The following CCDC146 variants were observed in gnomAD, a reference collection of about 807,000 sequenced individuals.
The protein encoded by CCDC146 is coiled-coil domain-containing protein 146.
Under a neutral mutation model 119.3 loss-of-function variants are expected in CCDC146, and 92 were observed. The observed-to-expected ratio is 0.77, with a 90% CI of 0.65 to 0.92. The LOEUF (loss-of-function observed/expected upper bound fraction) is 0.92. Among genes scored for constraint, CCDC146 ranks in the 40% least tolerant of loss-of-function variants. The pLI, the probability that CCDC146 is intolerant of heterozygous loss-of-function variation, is 0.00. For missense variants in CCDC146, 1,000 were observed against 1,103.0 expected, an observed-to-expected ratio of 0.91 and a Z score of 1.32; for synonymous variants, 372 against 371.8, an observed-to-expected ratio of 1.00 and a Z score of -0.01.
intron 4 of CCDC146, among the ~76,000 whole-genome samples, chr7:77,248,456 A>T (rs187603336): frequency 6.6e-6 from 1 of 152,318 alleles, no homozygotes; most frequent in South Asian, 2.1e-4. Flanking sequence ...ATGTGCTTTT[A>T]GCTCATGTTC....
chr7:77,178,698 A>G (rs980173684), intron 2 of CCDC146, among the ~76,000 whole-genome samples: 2 of 152,250 alleles, frequency 1.3e-5, no homozygotes, highest in African/African-American at 4.8e-5. Flanking sequence ...ATAATGATCT[A>G]AACTTTGATA....
intron 14 of CCDC146, chr7:77,282,342 G>A: frequency 2.1e-6 from 1 of 470,406 alleles, no homozygotes; most frequent in Non-Finnish European, 3.8e-6. Context: ...CACATGGTCA[G>A]CCTCAAAGTT....
intron 17 of CCDC146, among the ~76,000 whole-genome samples, chr7:77,289,143 C>T (rs572446872): frequency 6.6e-6 from 1 of 152,328 alleles, no homozygotes; most frequent in East Asian, 1.9e-4. Flanking sequence ...ATGCACTTTG[C>T]CTGAATTAGC....
chr7:77,287,404 T>G, intron 16 of CCDC146, 36 bp from the exon 17 acceptor site: 2 of 1,610,402 alleles, frequency 1.2e-6, no homozygotes, highest in Non-Finnish European at 1.7e-6. Flanking sequence ...TAGATGACTT[T>G]TTTTTTATTC....
intron 4 of CCDC146, among the ~76,000 whole-genome samples, chr7:77,247,957 T>G (rs1792985716): frequency 6.6e-6 from 1 of 151,996 alleles, no homozygotes; most frequent in Non-Finnish European, 1.5e-5. Context: ...GAAAAAGAAA[T>G]CATATCCAAA....
intron 1 of CCDC146, among the ~76,000 whole-genome samples, chr7:77,145,327 G>T (rs1477721877): frequency 6.6e-6 from 1 of 151,366 alleles, no homozygotes; most frequent in East Asian, 1.9e-4. Flanking sequence ...TATTAGTCTT[G>T]CTAGTGGTCT....
At chr7:77,268,889 AT>A (rs542039168) in intron 9 of CCDC146, among the ~76,000 whole-genome samples, 6 of 151,306 alleles carry the variant, frequency 4.0e-5, no homozygotes, top group Admixed American at 1.3e-4. Context: ...ATTTGAAGCC[AT>A]TTTTTTTTCC....
chr7:77,154,536 A>G (rs1244635741), intron 1 of CCDC146, among the ~76,000 whole-genome samples: 1 of 140,668 alleles, frequency 7.1e-6, no homozygotes, highest in Non-Finnish European at 1.5e-5. Context: ...ATTCCCACCT[A>G]TGAGTGAGAA....
chr7:77,195,982 G>A (rs767093643), intron 2 of CCDC146: 14 of 303,092 alleles, frequency 4.6e-5, no homozygotes, highest in Non-Finnish European at 7.9e-5. Flanking sequence ...AATACAGCAA[G>A]TAATACAAGC....
intron 2 of CCDC146, chr7:77,197,014 G>T: frequency 7.3e-7 from 1 of 1,363,468 alleles, no homozygotes. Context: ...GAAGGCATTG[G>T]ATCTTGTTAA....
chr7:77,126,501 G>T (rs1403846395), intron 1 of CCDC146, among the ~76,000 whole-genome samples: 1 of 151,984 alleles, frequency 6.6e-6, no homozygotes, highest in Non-Finnish European at 1.5e-5. Context: ...CCTCTCTGTA[G>T]GAAGATCATC....
intron 2 of CCDC146, among the ~76,000 whole-genome samples, chr7:77,192,939 AAAT>A (rs1003076216): frequency 4.2e-4 from 64 of 152,070 alleles, no homozygotes; most frequent in Admixed American, 8.5e-4. Context: ...AAATAAAATA[AAAT>A]AATAAAAAAA....
intron 4 of CCDC146, among the ~76,000 whole-genome samples, chr7:77,249,659 C>G (rs1179980672): frequency 6.6e-6 from 1 of 151,990 alleles, no homozygotes; most frequent in African/African-American, 2.4e-5. Context: ...GCATATCTTT[C>G]TCTATCCATT....
At chr7:77,245,870 TAAA>T (rs35387327) in intron 4 of CCDC146, among the ~76,000 whole-genome samples, 1 of 147,512 alleles carries the variant, frequency 6.8e-6, no homozygotes, top group Non-Finnish European at 1.5e-5. Flanking sequence ...TACCTTAACT[TAAA>T]AAAAAAAAAA....
intron 17 of CCDC146, 140 bp downstream of exon 17, chr7:77,287,717 T>C (rs1793874382): frequency 1.2e-6 from 1 of 866,972 alleles, no homozygotes; most frequent in East Asian, 2.7e-5. Flanking sequence ...AACGAAAGGA[T>C]GACTCAGAGA....
At chr7:77,176,508 T>G (rs928628477) in intron 2 of CCDC146, among the ~76,000 whole-genome samples, 14 of 151,506 alleles carry the variant, frequency 9.2e-5, no homozygotes, top group African/African-American at 3.4e-4. Context: ...TACATGAGAG[T>G]TCAGAAGAAG....
intron 2 of CCDC146, among the ~76,000 whole-genome samples, chr7:77,215,847 A>G (rs1234807065): frequency 6.6e-6 from 1 of 152,136 alleles, no homozygotes; most frequent in Non-Finnish European, 1.5e-5. Context: ...TCCTATTCAA[A>G]TTGGAATGGT....
At chr7:77,230,700 T>A (rs1401803638) in intron 2 of CCDC146, among the ~76,000 whole-genome samples, 1 of 152,222 alleles carries the variant, frequency 6.6e-6, no homozygotes, top group African/African-American at 2.4e-5. Context: ...TGTATCTGAA[T>A]GTGAATATCT....
intron 1 of CCDC146, among the ~76,000 whole-genome samples, chr7:77,143,684 C>T (rs1790971011): frequency 6.6e-6 from 1 of 151,738 alleles, no homozygotes; most frequent in Non-Finnish European, 1.5e-5. Context: ...ATCCTTTCTC[C>T]ATTGCTTGTT....
Sources: gnomAD v4.1 joint callset for allele counts (sites outside exome capture counted in the v4.1 genomes callset) on GRCh38, gnomAD v4.1.1 for gene constraint, MANE v1.5 for transcripts, NCBI Gene and HGNC (gene_info 2026-07-23, HGNC 2026-07-21) for gene names.